Variants in RIMS1 observed in about 807,000 individuals in gnomAD.
RIMS1 encodes regulating synaptic membrane exocytosis protein 1.
RIMS1 carries 83 observed loss-of-function variants against 214.1 expected under a neutral mutation model. That is an observed-to-expected ratio of 0.39 (90% CI 0.32 to 0.47). The LOEUF (loss-of-function observed/expected upper bound fraction) is 0.47. Ranked by LOEUF, RIMS1 falls within the 20% of genes least tolerant of loss-of-function variation. The pLI is 0.99. For synonymous variants in RIMS1, 793 were observed against 786.8 expected (o/e 1.01, Z -0.13); for missense variants, 2,050 against 2,161.8 (o/e 0.95, Z 1.03).
chr6:72,097,837 T>C (rs763967903), intron 3 of RIMS1, among the ~76,000 whole-genome samples: 3 of 152,202 alleles, frequency 2.0e-5, no homozygotes, highest in Non-Finnish European at 2.9e-5. Context: ...GTTAAGATGC[T>C]AATATGATAG....
At chr6:72,278,152 A>AATCTATCTATCT (rs561604409) in intron 23 of RIMS1, among the ~76,000 whole-genome samples, 176 of 128,336 alleles carry the variant, frequency 1.4e-3, no homozygotes, top group Non-Finnish European at 2.1e-3. Flanking sequence ...AATGGTTTTT[A>AATCTATCTATCT]ATCTATCTAT....
In RIMS1 at chr6:72,261,470, A is replaced by T. The variant is rs2077986715; in HGVS notation, c.3116+703A>T. 9 of 972,730 alleles carry T rather than the reference A, an allele frequency of 9.3e-6. 1 individual carries two copies. In the South Asian group the frequency reaches 4.3e-4, roughly 46 times the overall value. The allele number at this position is 972,730 out of a possible 1,614,324, so 60.3% of individuals were successfully genotyped here. On this transcript the variant is annotated intron_variant, in intron 19 of 33. Transcript: ENST00000521978. Reference sequence around the variant, plus strand: ...CCTGATGCTTTATGTTAATCTCATTACATCTTTAATTTCATATCCAAGTAA... The same window carrying T: ...CCTGATGCTTTATGTTAATCTCATTTCATCTTTAATTTCATATCCAAGTAA...
intron 4 of RIMS1, among the ~76,000 whole-genome samples, chr6:72,104,774 G>A (rs897796705): frequency 1.3e-5 from 2 of 152,112 alleles, no homozygotes; most frequent in African/African-American, 4.8e-5. Context: ...ACAATTTTCA[G>A]ATACTTTAAA....
intron 1 of RIMS1, among the ~76,000 whole-genome samples, chr6:71,935,877 T>G (rs886184670): frequency 2.6e-5 from 4 of 152,204 alleles, no homozygotes; most frequent in African/African-American, 9.6e-5. Context: ...AAGTAATCTT[T>G]CACCGGGAGC....
intron 4 of RIMS1, among the ~76,000 whole-genome samples, chr6:72,144,230 C>T (rs975202849): frequency 1.3e-5 from 2 of 152,194 alleles, no homozygotes; most frequent in Non-Finnish European, 2.9e-5. Flanking sequence ...TTCATTTTTA[C>T]TCAAGATTAC....
At chr6:72,153,637 C>CA (rs1256881479) in intron 4 of RIMS1, among the ~76,000 whole-genome samples, 1 of 152,096 alleles carries the variant, frequency 6.6e-6, no homozygotes, top group Non-Finnish European at 1.5e-5. Context: ...AAACTACCCC[C>CA]AGTATACTTG....
chr6:72,398,496 T>C (rs2098804079), intron 32 of RIMS1, 146 bp downstream of exon 32: 2 of 554,756 alleles, frequency 3.6e-6, no homozygotes. Flanking sequence ...TTTGATGTTA[T>C]TAAAACGGAT....
intron 2 of RIMS1, among the ~76,000 whole-genome samples, chr6:72,013,999 T>C (rs1052589032): frequency 6.6e-6 from 1 of 152,250 alleles, no homozygotes. Flanking sequence ...CTTTTATGAC[T>C]GACTTGTTTT....
At chr6:72,130,261 T>C (rs963857067) in intron 4 of RIMS1, among the ~76,000 whole-genome samples, 1 of 152,192 alleles carries the variant, frequency 6.6e-6, no homozygotes, top group Non-Finnish European at 1.5e-5. Context: ...TTTACTTTTA[T>C]GTGGTGTAAG....
In RIMS1 at chr6:72,037,637, T is replaced by C. The variant is rs371470436; in HGVS notation, c.246-59312T>C. Among the ~76,000 whole-genome samples, 320 of 152,190 alleles carry C rather than the reference T, an allele frequency of 2.1e-3. 2 individuals carry two copies. Among genetic ancestry groups the C allele is most frequent in the South Asian group, 3.9e-3 (19 of 4,822 alleles). On this transcript the variant is annotated intron_variant, in intron 2 of 33. Coordinates refer to ENST00000521978, the MANE Select transcript of RIMS1 (RefSeq NM_014989.7). ...CATGAAACCATCATTACAATCAAGATAGTAAACATATCCATCACCTTCAAA... is the reference window on the plus strand; with the variant it reads ...CATGAAACCATCATTACAATCAAGACAGTAAACATATCCATCACCTTCAAA...
intron 2 of RIMS1, among the ~76,000 whole-genome samples, chr6:72,054,560 C>T (rs1437307418): frequency 1.3e-5 from 2 of 152,260 alleles, no homozygotes; most frequent in Middle Eastern, 3.4e-3. Flanking sequence ...ACAAGCGTTC[C>T]TATTTCTCCA....
In RIMS1 at chr6:72,166,171, C is replaced by T. The variant is rs554806327; in HGVS notation, c.472-13404C>T. 8.5e-5 allele frequency among the ~76,000 whole-genome samples: 13 copies of T among 152,100 alleles called. No individual in the cohort carries two copies. The South Asian group carries it at 1.5e-3, about 17-fold the overall frequency. The stretch of plus-strand genomic sequence containing the variant: ...TGTCCTCAGAGGACCTTCCTCTGGG[C>T]TTATGTGAAAAGAGAGCTAGAGAGA... On this transcript the variant is annotated intron_variant, in intron 4 of 33. Coordinates refer to ENST00000521978, the MANE Select transcript of RIMS1 (RefSeq NM_014989.7).
chr6:72,133,910 GCATACTT>G (rs1231414908), intron 4 of RIMS1, among the ~76,000 whole-genome samples: 1 of 152,136 alleles, frequency 6.6e-6, no homozygotes, highest in Non-Finnish European at 1.5e-5. Flanking sequence ...GATCCTGGCT[GCATACTT>G]ATAAGTTGGA....
intron 29 of RIMS1, among the ~76,000 whole-genome samples, chr6:72,348,039 A>G (rs1217681266): frequency 1.3e-5 from 2 of 151,928 alleles, no homozygotes; most frequent in African/African-American, 4.8e-5. Flanking sequence ...TTGCTTAGTC[A>G]AAACATAATG....
At chr6:72,382,890 C>G (rs185207684) in intron 29 of RIMS1, among the ~76,000 whole-genome samples, 67 of 152,318 alleles carry the variant, frequency 4.4e-4, no homozygotes, top group African/African-American at 1.6e-3. Flanking sequence ...TAGCAATCTA[C>G]AGTCTCTCAA....
In RIMS1 at chr6:72,401,669, C is replaced by T. The variant is rs1226709530; in HGVS notation, c.*955C>T. The T allele has an allele frequency of 6.6e-6, 1 of 152,518 alleles. No homozygotes were observed. Among genetic ancestry groups the T allele is most frequent in the Non-Finnish European group, 1.5e-5 (1 of 68,012 alleles). 9.4% of individuals were successfully genotyped at this position (152,518 alleles called of 1,614,324 possible). A position where few individuals can be genotyped will look rare whatever the true frequency, so the allele number is the denominator to read the frequency against. On this transcript the variant is annotated 3_prime_UTR_variant, in exon 34 of 34. Coordinates refer to ENST00000521978, the MANE Select transcript of RIMS1 (RefSeq NM_014989.7). Reference sequence around the variant, plus strand: ...TAAAAAAATGCTCATGTGTATAAACCATACTTTGACTTCCCAAAAATGGTG... The same window carrying T: ...TAAAAAAATGCTCATGTGTATAAACTATACTTTGACTTCCCAAAAATGGTG...
chr6:72,041,842 T>G (rs1174741673), intron 2 of RIMS1, among the ~76,000 whole-genome samples: 1 of 151,922 alleles, frequency 6.6e-6, no homozygotes, highest in Non-Finnish European at 1.5e-5. Context: ...ATAGATACTC[T>G]TCTTATTTTA....
At chr6:72,303,306 G>A (rs927625652) in intron 26 of RIMS1, among the ~76,000 whole-genome samples, 1 of 150,360 alleles carries the variant, frequency 6.7e-6, no homozygotes, top group Non-Finnish European at 1.5e-5. Flanking sequence ...AATATGAAAG[G>A]GATAGATCTA....
intron 2 of RIMS1, among the ~76,000 whole-genome samples, chr6:72,074,428 C>T (rs1831296242): frequency 6.6e-6 from 1 of 152,144 alleles, no homozygotes; most frequent in African/African-American, 2.4e-5. Context: ...CTTAGGAAGT[C>T]TGAGGTGGGT....
Sources: gnomAD v4.1 joint callset for allele counts (sites outside exome capture counted in the v4.1 genomes callset) on GRCh38, gnomAD v4.1.1 for gene constraint, MANE v1.5 for transcripts, NCBI Gene and HGNC (gene_info 2026-07-23, HGNC 2026-07-21) for gene names.